Variants in NEK10 observed in about 807,000 individuals in gnomAD.
NEK10 encodes the protein serine/threonine-protein kinase Nek10.
Under a neutral mutation model 159.8 loss-of-function variants are expected in NEK10, and 122 were observed. The ratio of observed to expected loss-of-function variants is 0.76; its 90% CI spans 0.66 to 0.89. The LOEUF (loss-of-function observed/expected upper bound fraction) is 0.89. Among genes scored for constraint, NEK10 ranks in the 40% least tolerant of loss-of-function variants. The pLI, the probability that NEK10 is intolerant of heterozygous loss-of-function variation, is 0.00. For missense variants in NEK10, 1,342 were observed against 1,323.1 expected (o/e 1.01, Z -0.22); for synonymous variants, 466 against 457.1 (o/e 1.02, Z -0.25).
intron 29 of NEK10, among the ~76,000 whole-genome samples, chr3:27,169,315 A>G (rs1946747115): frequency 6.6e-6 from 1 of 152,142 alleles, no homozygotes; most frequent in Non-Finnish European, 1.5e-5. Context: ...TCTAACTCAG[A>G]TCTCCAGTCC....
chr3:27,211,814 A>AATTG (rs61171891), intron 23 of NEK10, among the ~76,000 whole-genome samples: 3,188 of 152,284 alleles, frequency 0.021, 100 homozygotes, highest in African/African-American at 0.072. Context: ...TATACTAATT[A>AATTG]ATTGATTGAT....
chr3:27,301,577 C>G lies in NEK10; in HGVS notation c.1168+119G>C, dbSNP rs995435699. 1.1e-5 allele frequency: 8 copies of G among 742,378 alleles called. No homozygotes were observed. In the Admixed American group the frequency reaches 1.3e-4, roughly 12 times the overall value. The allele number at this position is 742,378 out of a possible 1,614,324, so 46.0% of individuals were successfully genotyped here. ...GTTTCTGGCATCCATGTGGATTTCACTTTACATTTTTGTAAACTTCTAAAT... is the reference window on the plus strand; with the variant it reads ...GTTTCTGGCATCCATGTGGATTTCAGTTTACATTTTTGTAAACTTCTAAAT... On this transcript the variant is annotated intron_variant, in intron 13 of 35. Coordinates refer to ENST00000691995, the MANE Select transcript of NEK10 (RefSeq NM_001394966.1).
chr3:27,261,494 C>A (rs1418618432), intron 22 of NEK10, among the ~76,000 whole-genome samples: 1 of 152,156 alleles, frequency 6.6e-6, no homozygotes, highest in East Asian at 1.9e-4. Context: ...AGGAGTCATT[C>A]AGGAGAAGGT....
chr3:27,354,543 T>C (rs2048195973), intron 1 of NEK10, among the ~76,000 whole-genome samples: 1 of 152,178 alleles, frequency 6.6e-6, no homozygotes. Flanking sequence ...GGAGATATTC[T>C]GAAAAAAAGC....
intron 30 of NEK10, among the ~76,000 whole-genome samples, chr3:27,159,721 A>G (rs1187297611): frequency 6.6e-6 from 1 of 152,102 alleles, no homozygotes; most frequent in Non-Finnish European, 1.5e-5. Context: ...GATTTTTAAT[A>G]CAAGTAATGT....
chr3:27,353,139 A>T (rs546995096), intron 1 of NEK10, among the ~76,000 whole-genome samples: 1 of 152,214 alleles, frequency 6.6e-6, no homozygotes, highest in Non-Finnish European at 1.5e-5. Flanking sequence ...CACTCAAAAG[A>T]TAAGTATGGG....
chr3:27,124,932 T>C (rs1434287003), intron 32 of NEK10, among the ~76,000 whole-genome samples: 1 of 152,136 alleles, frequency 6.6e-6, no homozygotes. Flanking sequence ...TTTTGCCTCA[T>C]GAGCATTCAG....
chr3:27,343,957 C>T (rs115262557), intron 5 of NEK10, among the ~76,000 whole-genome samples: 6,290 of 152,192 alleles, frequency 0.041, 216 homozygotes, highest in African/African-American at 0.097. Flanking sequence ...GAATGTTGTC[C>T]GTGGTGTTGT....
chr3:27,351,421 C>T (rs1396404091), intron 3 of NEK10, among the ~76,000 whole-genome samples: 1 of 152,112 alleles, frequency 6.6e-6, no homozygotes, highest in Admixed American at 6.6e-5. Flanking sequence ...CAGAACTAGA[C>T]TTCACCAATT....
At chr3:27,209,888 A>T (rs1357262352) in intron 23 of NEK10, among the ~76,000 whole-genome samples, 1 of 152,198 alleles carries the variant, frequency 6.6e-6, no homozygotes, top group African/African-American at 2.4e-5. Context: ...TTTTGTGGAG[A>T]ATATTTGCAT....
chr3:27,177,870 G>A (rs1469866835), intron 26 of NEK10, among the ~76,000 whole-genome samples: 1 of 152,190 alleles, frequency 6.6e-6, no homozygotes, highest in East Asian at 1.9e-4. Flanking sequence ...CTATTAAAGG[G>A]ATTTAGGCAA....
At chr3:27,258,066 G>A (rs1055454204) in intron 22 of NEK10, among the ~76,000 whole-genome samples, 1 of 151,808 alleles carries the variant, frequency 6.6e-6, no homozygotes, top group Non-Finnish European at 1.5e-5. Flanking sequence ...AAAGTGCTGG[G>A]ATTACAGGCG....
chr3:27,367,573 T>C (rs2049187253), intron 1 of NEK10: 1 of 152,196 alleles, frequency 6.6e-6, no homozygotes, highest in South Asian at 2.1e-4. Flanking sequence ...CTGGAAGAAA[T>C]AAAGATACCA....
chr3:27,169,343 G>T (rs1329219999), intron 29 of NEK10, among the ~76,000 whole-genome samples: 1 of 151,176 alleles, frequency 6.6e-6, no homozygotes, highest in Non-Finnish European at 1.5e-5. Flanking sequence ...CACCCACTGT[G>T]GTTCTCTTTG....
chr3:27,303,094 G>T (rs1347357489), intron 12 of NEK10, among the ~76,000 whole-genome samples: 8 of 152,150 alleles, frequency 5.3e-5, no homozygotes, highest in Admixed American at 5.2e-4. Flanking sequence ...TGTTTATCCA[G>T]CTGGGGTAAT....
chr3:27,277,740 C>A (rs952054102), intron 22 of NEK10, among the ~76,000 whole-genome samples: 2 of 152,182 alleles, frequency 1.3e-5, no homozygotes, highest in Non-Finnish European at 2.9e-5. Context: ...TATAACTATT[C>A]ACTCATATTC....
rs757501745 is a variant in NEK10 at position 27,309,002 on chromosome 3, A to T, written c.640T>A (p.Leu214Ile). ...TCTCGGGCACCAAGTAAATTTACTA[A>T]TGTCTGAAAAATGAAGTAAAATAAA... ...WVTTSGAHKT[L>I]VNLLGARDTN... Residue 214 changes from leucine (L) to isoleucine (I), a missense_variant, in exon 10 of 36, where the codon TTA becomes ATA. Leu to Ile is a conservative substitution (Grantham distance 5). Transcript: ENST00000691995. 1.3e-6 allele frequency: 2 copies of T among 1,553,238 alleles called. No homozygotes were observed. The highest frequency in any genetic ancestry group is 2.7e-5 in the African/African-American group (2 of 73,680).
At chr3:27,138,881 G>C (rs1341576533) in intron 31 of NEK10, among the ~76,000 whole-genome samples, 5 of 152,204 alleles carry the variant, frequency 3.3e-5, no homozygotes, top group Non-Finnish European at 1.5e-5. Flanking sequence ...TGCTGTTCTT[G>C]ACTAGTAAAC....
In NEK10 at chr3:27,164,334, C is replaced by T. The variant is rs533440420; in HGVS notation, c.2832-1596G>A. Among the ~76,000 whole-genome samples, 27 of 152,282 alleles carry T rather than the reference C, an allele frequency of 1.8e-4. 3 individuals carry two copies. The South Asian group carries it at 5.2e-3, about 29-fold the overall frequency. ...CTTGTATGCCTGCACAAATGCCATA[C>T]CCCAGCAAATGCTTTCCGAATAACT... On this transcript the variant is annotated intron_variant, in intron 29 of 35. Coordinates refer to ENST00000691995, the MANE Select transcript of NEK10 (RefSeq NM_001394966.1).
Sources: gnomAD v4.1 joint callset for allele counts (sites outside exome capture counted in the v4.1 genomes callset) on GRCh38, gnomAD v4.1.1 for gene constraint, MANE v1.5 for transcripts, NCBI Gene and HGNC (gene_info 2026-07-23, HGNC 2026-07-21) for gene names.